The following TLK1 variants were observed in gnomAD, a reference collection of about 807,000 sequenced individuals.
TLK1 encodes the protein serine/threonine-protein kinase tousled-like 1.
A neutral mutation model predicts 105.3 loss-of-function variants in TLK1; 24 were observed. The observed-to-expected ratio is 0.23, with a 90% confidence interval of 0.17 to 0.32. The LOEUF is 0.32. Ranked by LOEUF, TLK1 falls within the 10% of genes least tolerant of loss-of-function variation. The probability of loss-of-function intolerance (pLI) is 1.00; values close to 1 mark genes in which losing one functional copy is unlikely to be tolerated. For synonymous variants in TLK1, 321 were observed against 310.4 expected, an observed-to-expected ratio of 1.03 and a Z score of -0.36; for missense variants, 558 against 910.5, an observed-to-expected ratio of 0.61 and a Z score of 4.98.
chr2:171,050,607 T>G (rs1687191442), intron 8 of TLK1, among the ~76,000 whole-genome samples: 1 of 152,228 alleles, frequency 6.6e-6, no homozygotes, highest in South Asian at 2.1e-4. Context: ...TGGGTTTTCC[T>G]CTATCTCTTA....
chr2:171,139,445 A>G (rs1691477293), intron 1 of TLK1, among the ~76,000 whole-genome samples: 1 of 151,886 alleles, frequency 6.6e-6, no homozygotes, highest in Non-Finnish European at 1.5e-5. Flanking sequence ...TAAAGATTCA[A>G]AAATTAGCTG....
intron 13 of TLK1, among the ~76,000 whole-genome samples, chr2:171,013,012 AT>A (rs71008744): frequency 2.0e-4 from 29 of 147,876 alleles, no homozygotes; most frequent in Non-Finnish European, 2.2e-4. Context: ...GCTCTATTAG[AT>A]TTTTTTTTTT....
chr2:171,206,811 A>T (rs188835334), intron 1 of TLK1, among the ~76,000 whole-genome samples: 2 of 152,250 alleles, frequency 1.3e-5, no homozygotes, highest in East Asian at 3.8e-4. Flanking sequence ...GTTCAACATC[A>T]TATGTCATTA....
Position 171,148,893 on chromosome 2 carries a change from AT to A in TLK1, c.139+11396del, listed in dbSNP as rs1462940527. ...AGACTCTGTCTTAAAAAAAAAAAAT[AT>A]ATATATATATATATATATGTGTGTG... is the stretch of plus-strand genomic sequence containing the variant. On this transcript the variant is annotated intron_variant, in intron 1 of 20. Coordinates refer to ENST00000431350, the MANE Select transcript of TLK1 (RefSeq NM_012290.5). Among the ~76,000 whole-genome samples the A allele has an allele frequency of 4.6e-3, 421 of 91,600 alleles. 12 individuals carry two copies. In the East Asian group the frequency reaches 0.23, roughly 50 times the overall value. The allele number at this position is 91,600 out of a possible 152,430, so 60.1% of individuals were successfully genotyped here.
chr2:171,177,969 T>A (rs1188517282), intron 1 of TLK1, among the ~76,000 whole-genome samples: 1 of 151,946 alleles, frequency 6.6e-6, no homozygotes. Flanking sequence ...AATTTTGTAT[T>A]TTTTAGTAGA....
chr2:171,115,131 C>G (rs950136219), intron 2 of TLK1, among the ~76,000 whole-genome samples: 5 of 150,568 alleles, frequency 3.3e-5, no homozygotes, highest in Non-Finnish European at 7.4e-5. Flanking sequence ...CTTTCAAGTA[C>G]TGCATCATCT....
chr2:171,194,145 G>T (rs760216126), intron 1 of TLK1, among the ~76,000 whole-genome samples: 22 of 152,186 alleles, frequency 1.4e-4, no homozygotes, highest in Non-Finnish European at 3.1e-4. Context: ...GCTCGCCATT[G>T]AAGAAATATA....
chr2:171,065,512 C>G (rs1687945986), intron 3 of TLK1, among the ~76,000 whole-genome samples: 1 of 151,220 alleles, frequency 6.6e-6, no homozygotes, highest in Non-Finnish European at 1.5e-5. Context: ...AGACTGGTTT[C>G]AAAACTGCAA....
At position 171,160,157 on chromosome 2, in the gene TLK1, T is replaced by C; in HGVS notation, c.139+133A>G. ...AGCCGGGGAGCCGGGCGGCCTCGCGTCCACCTCGCCACCATCCCCCACCCC... is the reference window on the plus strand; with the variant it reads ...AGCCGGGGAGCCGGGCGGCCTCGCGCCCACCTCGCCACCATCCCCCACCCC... On this transcript the variant is annotated intron_variant, in intron 1 of 20. Transcript: ENST00000431350. The surrounding 1 kb of genome is among the most constrained non-coding windows in gnomAD (Gnocchi z 4.4). 1.9e-6 allele frequency: 2 copies of C among 1,027,174 alleles called. No individual in the cohort carries two copies. Among genetic ancestry groups the C allele is most frequent in the Non-Finnish European group, 1.2e-6 (1 of 809,128 alleles). The allele number at this position is 1,027,174 out of a possible 1,614,324, so 63.6% of individuals were successfully genotyped here. A position where few individuals can be genotyped will look rare whatever the true frequency, so the allele number is the denominator to read the frequency against.
intron 18 of TLK1, among the ~76,000 whole-genome samples, chr2:171,000,120 G>A (rs1313930645): frequency 1.3e-5 from 2 of 152,146 alleles, no homozygotes; most frequent in Admixed American, 1.3e-4. Flanking sequence ...GCTCATGCCT[G>A]TAATCCCAGC....
intron 3 of TLK1, among the ~76,000 whole-genome samples, chr2:171,073,886 C>CT (rs1553473051): frequency 2.7e-4 from 33 of 124,126 alleles, no homozygotes; most frequent in Middle Eastern, 4.6e-3. Context: ...CCCCCCCCTC[C>CT]TTTTTTTTTC....
chr2:171,075,877 G>C (rs973619073), intron 3 of TLK1, among the ~76,000 whole-genome samples: 1 of 152,178 alleles, frequency 6.6e-6, no homozygotes, highest in East Asian at 1.9e-4. Context: ...TTGACTATGT[G>C]CCCTGAAGTT....
Position 171,006,611 on chromosome 2 carries a change from T to C in TLK1, c.1631A>G (p.Asn544Ser). 2 of 1,612,808 alleles carry C rather than the reference T, an allele frequency of 1.2e-6. No individual in the cohort carries two copies. The highest frequency in any genetic ancestry group is 1.7e-6 in the Non-Finnish European group (2 of 1,179,710). The change falls in exon 17 of 21, where the codon AAT (asparagine) becomes AGT (serine). Residue 544 changes from asparagine (N) to serine (S), a missense_variant. Around this residue, in one of 5 missense-constraint regions of TLK1, gnomAD observed 218 missense variants for 492.9 expected, o/e 0.44. Coordinates refer to ENST00000431350, the MANE Select transcript of TLK1 (RefSeq NM_012290.5). ...TTGCTTCAGATAGAAATCCAAGTCA[T>C]TGCCTTCACAGTATTCTAACACTGT... ...FCTVLEYCEG[N>S]DLDFYLKQHK... is the part of the protein sequence containing the mutation.
At chr2:171,229,581 C>T (rs1408578709) in intron 1 of TLK1, among the ~76,000 whole-genome samples, 1 of 152,198 alleles carries the variant, frequency 6.6e-6, no homozygotes, top group Non-Finnish European at 1.5e-5. Context: ...TGATGAGCTA[C>T]TGGACTTCAA....
chr2:171,026,744 A>C (rs1685791093), intron 12 of TLK1, among the ~76,000 whole-genome samples: 4 of 152,144 alleles, frequency 2.6e-5, no homozygotes, highest in Admixed American at 2.6e-4. Context: ...GGGCACACAG[A>C]TACTTACGAC....
At chr2:170,997,996 T>G (rs1422080484) in intron 18 of TLK1, among the ~76,000 whole-genome samples, 173 bp from the exon 19 acceptor site, 1 of 152,228 alleles carries the variant, frequency 6.6e-6, no homozygotes, top group Non-Finnish European at 1.5e-5. Flanking sequence ...ATCATTTAAC[T>G]CTAGAGCCAA....
intron 1 of TLK1, among the ~76,000 whole-genome samples, chr2:171,126,259 T>G (rs933359175): frequency 6.6e-6 from 1 of 152,144 alleles, no homozygotes; most frequent in Non-Finnish European, 1.5e-5. Context: ...TTCAATATGA[T>G]GAAGAAAAAT....
intron 1 of TLK1, among the ~76,000 whole-genome samples, chr2:171,209,381 G>T (rs1379083058): frequency 1.3e-5 from 2 of 151,992 alleles, no homozygotes; most frequent in Non-Finnish European, 2.9e-5. Context: ...AAATTATTAG[G>T]TATCTATGTG....
rs1000780122 is a variant in TLK1, at chr2:171,199,640, T to C, written c.-6+31505A>G. 2.6e-5 allele frequency among the ~76,000 whole-genome samples: 4 copies of C among 152,062 alleles called. No individual in the cohort carries two copies. In the East Asian group the frequency reaches 5.8e-4, roughly 22 times the overall value. On this transcript the variant is annotated intron_variant, in intron 1 of 20. Coordinates refer to the TLK1 transcript ENST00000521943. Reference sequence around the variant, plus strand: ...CTCAGCCAGTGGATCTTCCTATAAGTGTGTGTTTGGGATGGGGCACAGTCA... The same window carrying C: ...CTCAGCCAGTGGATCTTCCTATAAGCGTGTGTTTGGGATGGGGCACAGTCA...
Sources: gnomAD v4.1 joint callset for allele counts (sites outside exome capture counted in the v4.1 genomes callset) on GRCh38, gnomAD v4.1.1 for gene constraint, gnomAD v4.1.1 regional missense constraint, Gnocchi (gnomAD v3.1) non-coding constraint, MANE v1.5 for transcripts, NCBI Gene and HGNC (gene_info 2026-07-23, HGNC 2026-07-21) for gene names.